Variants in RAD17 observed in about 807,000 individuals in gnomAD.
RAD17 encodes the protein RAD17 checkpoint clamp loader component, also known as cell cycle checkpoint protein RAD17.
In RAD17, 31 loss-of-function variants were observed where a neutral mutation model predicts 81.5. That is an observed-to-expected ratio of 0.38 (90% CI 0.29 to 0.51). The LOEUF (loss-of-function observed/expected upper bound fraction) is 0.51. Ranked by LOEUF, RAD17 falls within the 20% of genes least tolerant of loss-of-function variation. The pLI, the probability that RAD17 is intolerant of heterozygous loss-of-function variation, is 0.88. For synonymous variants in RAD17, 261 were observed against 266.2 expected, an observed-to-expected ratio of 0.98 and a Z score of 0.19; for missense variants, 681 against 781.2, an observed-to-expected ratio of 0.87 and a Z score of 1.53.
upstream of RAD17, chr5:69,369,725 TCAGG>T: frequency 1.3e-6 from 2 of 1,549,070 alleles, no homozygotes; most frequent in Non-Finnish European, 1.7e-6. Context: ...GTACTTCGGG[TCAGG>T]CAGTGCGCTG....
intron 4 of RAD17, among the ~76,000 whole-genome samples, chr5:69,373,435 T>C (rs1218255375): frequency 6.6e-6 from 1 of 152,122 alleles, no homozygotes; most frequent in African/African-American, 2.4e-5. Flanking sequence ...TATGGTGGCT[T>C]ATACCTTTAA....
At chr5:69,398,279 A>G (rs1331519544) in intron 16 of RAD17, among the ~76,000 whole-genome samples, 1 of 152,232 alleles carries the variant, frequency 6.6e-6, no homozygotes, top group East Asian at 1.9e-4. Context: ...ATAAATACAT[A>G]CAGAGCTTAT....
intron 17 of RAD17, among the ~76,000 whole-genome samples, chr5:69,408,742 C>T (rs527548135): frequency 6.6e-6 from 1 of 152,148 alleles, no homozygotes; most frequent in Admixed American, 6.6e-5. Context: ...AACTCCTGAC[C>T]TCAAGTGATC....
chr5:69,376,191 A>C (rs1763323287), intron 6 of RAD17, among the ~76,000 whole-genome samples: 1 of 152,198 alleles, frequency 6.6e-6, no homozygotes, highest in Admixed American at 6.5e-5. Flanking sequence ...ACTTTCCCTC[A>C]CAACTGACAC....
rs2150761859 is a variant in RAD17 at position 69,372,278 on chromosome 5, T to TC, written c.9+63dup. The TC allele has an allele frequency of 1.5e-6, 2 of 1,356,238 alleles. 1 individual carries two copies. Among genetic ancestry groups the TC allele is most frequent in the African/African-American group, 2.9e-5 (2 of 69,522 alleles). 84.0% of individuals were successfully genotyped at this position (1,356,238 alleles called of 1,614,324 possible). A position where few individuals can be genotyped will look rare whatever the true frequency, so the allele number is the denominator to read the frequency against. ...TTTTTTAATCCACTGCCGATAATAT[T>TC]CCTAACTCTGTCTTAAAAGAAGAGT... is the stretch of plus-strand genomic sequence containing the variant. On this transcript the variant is annotated intron_variant, in intron 4 of 18. Coordinates refer to ENST00000354868, the MANE Select transcript of RAD17 (RefSeq NM_133338.3).
intron 6 of RAD17, among the ~76,000 whole-genome samples, 196 bp from the exon 7 acceptor site, chr5:69,381,705 G>A (rs910930863): frequency 6.6e-6 from 1 of 151,854 alleles, no homozygotes; most frequent in East Asian, 1.9e-4. Flanking sequence ...GAAAAGGGGG[G>A]AAAAAGGCAA....
Position 69,414,316 on chromosome 5 carries a change from C to G in RAD17, c.*24C>G. On this transcript the variant is annotated 3_prime_UTR_variant, in exon 19 of 19. Transcript: ENST00000354868. ...AGAAGCCAGCCTGCTAATCAGATTG[C>G]TACTTCACAGCTTCATTTTTGTTTC... The G allele has an allele frequency of 1.2e-6, 2 of 1,605,176 alleles. No homozygotes were observed. The highest frequency in any genetic ancestry group is 1.7e-6 in the Non-Finnish European group (2 of 1,173,490).
chr5:69,373,105 T>G (rs1280461888), intron 4 of RAD17, among the ~76,000 whole-genome samples: 1 of 152,228 alleles, frequency 6.6e-6, no homozygotes, highest in Non-Finnish European at 1.5e-5. Context: ...GTTCTTAGTT[T>G]GTGAATGTAT....
chr5:69,396,043 AC>A (rs1764864439), intron 15 of RAD17, among the ~76,000 whole-genome samples: 2 of 152,180 alleles, frequency 1.3e-5, no homozygotes, highest in Non-Finnish European at 2.9e-5. Flanking sequence ...CTAATTAGTT[AC>A]ATTAACTAAT....
chr5:69,379,867 C>G (rs1245066917), intron 6 of RAD17, among the ~76,000 whole-genome samples: 1 of 151,814 alleles, frequency 6.6e-6, no homozygotes, highest in African/African-American at 2.4e-5. Context: ...TTGCCTGAGG[C>G]TGTTTTATAG....
At position 69,393,641 on chromosome 5, in the gene RAD17, C is replaced by T. The variant is rs1258242578; in HGVS notation, c.1422+141C>T. ...ACTATGCTAAAGTTAATGTAACCAA[C>T]TCAGTGTTTATAATGAAGCTTCAGT... is the stretch of plus-strand genomic sequence containing the variant. On this transcript the variant is annotated intron_variant, in intron 15 of 18. Transcript: ENST00000354868. 5.3e-6 allele frequency: 4 copies of T among 748,484 alleles called. No individual in the cohort carries two copies. The South Asian group carries it at 6.0e-5, about 11-fold the overall frequency. 46.4% of individuals were successfully genotyped at this position (748,484 alleles called of 1,614,324 possible).
At chr5:69,400,761 C>T (rs1036426867) in intron 17 of RAD17, among the ~76,000 whole-genome samples, 1 of 151,826 alleles carries the variant, frequency 6.6e-6, no homozygotes, top group Non-Finnish European at 1.5e-5. Flanking sequence ...TGGTGAAACC[C>T]TGTCTCTACT....
At position 69,377,677 on chromosome 5, in the gene RAD17, G is replaced by GTATA. The variant is rs1491240031; in HGVS notation, c.351+2966_351+2967insTATA. ...TATATATATGTATACATATATATATGCATATATATATATGTATACATATAT... is the reference window on the plus strand; with the variant it reads ...TATATATATGTATACATATATATATGTATACATATATATATATGTATACATATAT... On this transcript the variant is annotated intron_variant, in intron 6 of 18. Transcript: ENST00000354868. Among the ~76,000 whole-genome samples, 22 of 21,716 alleles carry GTATA rather than the reference G, an allele frequency of 1.0e-3. 4 individuals carry two copies. Among genetic ancestry groups the GTATA allele is most frequent in the African/African-American group, 1.4e-3 (18 of 12,794 alleles). The allele number at this position is 21,716 out of a possible 152,430, so 14.2% of individuals were successfully genotyped here. A position where few individuals can be genotyped will look rare whatever the true frequency, so the allele number is the denominator to read the frequency against.
Position 69,389,113 on chromosome 5 carries a change from C to G in RAD17, c.974C>G (p.Ala325Gly). 1 of 1,586,300 alleles carries G rather than the reference C, an allele frequency of 6.3e-7. No homozygotes were observed. The highest frequency in any genetic ancestry group is 8.6e-7 in the Non-Finnish European group (1 of 1,165,846). The change falls in exon 12 of 19, where the codon GCA becomes GGA. Residue 325 changes from alanine to glycine, a missense_variant. Transcript: ENST00000354868. ...GGATGTTCTGGTGATATCAGAAGTGCAATAAACAGCCTCCAGTTTTCTTCT... is the reference window on the plus strand; with the variant it reads ...GGATGTTCTGGTGATATCAGAAGTGGAATAAACAGCCTCCAGTTTTCTTCT... ...CQGCSGDIRSAINSLQFSSSK... is the reference protein window; with the variant it reads ...CQGCSGDIRSGINSLQFSSSK...
At chr5:69,407,447 G>A (rs1765674888) in intron 17 of RAD17, among the ~76,000 whole-genome samples, 1 of 150,616 alleles carries the variant, frequency 6.6e-6, no homozygotes, top group South Asian at 2.1e-4. Context: ...ATATTTTTCT[G>A]CTGCTTTCTG....
Position 69,407,395 on chromosome 5 carries a change from C to T in RAD17, c.1694-3098C>T, listed in dbSNP as rs79639424. The stretch of plus-strand genomic sequence containing the variant: ...TTATCAATTTTTATACTGTTTCTTC[C>T]GCTTTTATTTACTATGTCATTTTCA... On this transcript the variant is annotated intron_variant, in intron 17 of 18. Coordinates refer to ENST00000354868, the MANE Select transcript of RAD17 (RefSeq NM_133338.3). Among the ~76,000 whole-genome samples the T allele has an allele frequency of 6.6e-3, 1,000 of 151,818 alleles. 6 individuals carry two copies. Among genetic ancestry groups the T allele is most frequent in the African/African-American group, 0.023 (938 of 41,392 alleles).
chr5:69,394,209 C>G (rs1382169349), intron 15 of RAD17, among the ~76,000 whole-genome samples: 1 of 150,938 alleles, frequency 6.6e-6, no homozygotes, highest in Non-Finnish European at 1.5e-5. Flanking sequence ...TACAGGCAAG[C>G]ACCACTATCC....
intron 6 of RAD17, among the ~76,000 whole-genome samples, chr5:69,377,445 A>ATATATATATATG (rs1763422257): frequency 2.4e-4 from 2 of 8,494 alleles, no homozygotes; most frequent in East Asian, 4.9e-3. Context: ...GTGTGTATAT[A>ATATATATATATG]TATATATATA....
chr5:69,374,140 G>C, intron 5 of RAD17, 53 bp downstream of exon 5: 1 of 1,424,226 alleles, frequency 7.0e-7, no homozygotes, highest in Non-Finnish European at 9.6e-7. Context: ...GGGTGCATAA[G>C]GGTAGATGGG....
Sources: gnomAD v4.1 joint callset for allele counts (sites outside exome capture counted in the v4.1 genomes callset) on GRCh38, gnomAD v4.1.1 for gene constraint, MANE v1.5 for transcripts, NCBI Gene and HGNC (gene_info 2026-07-23, HGNC 2026-07-21) for gene names.